PRDM2: variants seen among roughly 807,000 people sequenced by gnomAD.
PRDM2 encodes PR domain zinc finger protein 2.
A neutral mutation model predicts 130.0 loss-of-function variants in PRDM2; 30 were observed. The observed-to-expected ratio is 0.23, with a 90% CI of 0.17 to 0.31. PRDM2 has a LOEUF of 0.31. Among genes scored for constraint, PRDM2 ranks in the 10% least tolerant of loss-of-function variants. PRDM2 has a pLI of 1.00. For synonymous variants in PRDM2, 871 were observed against 782.4 expected (o/e 1.11, Z -1.89); for missense variants, 2,011 against 2,108.4 (o/e 0.95, Z 0.90).
In PRDM2 at chr1:13,785,269, T is replaced by C. The variant is rs544838385; in HGVS notation, c.5036+2438T>C. ...AAGGAATCATCACATCTATTACATG[T>C]CGAGGAATACTCACTTTCACTCTGT... On this transcript the variant is annotated intron_variant, in intron 8 of 9. Coordinates refer to ENST00000311066, the MANE Select transcript of PRDM2 (RefSeq NM_001393986.1). Among the ~76,000 whole-genome samples the C allele has an allele frequency of 1.0e-3, 154 of 152,296 alleles. 1 individual carries two copies. Among genetic ancestry groups the C allele is most frequent in the African/African-American group, 3.6e-3 (149 of 41,570 alleles).
intron 4 of PRDM2, among the ~76,000 whole-genome samples, chr1:13,741,055 G>A (rs547468056): frequency 3.0e-4 from 46 of 152,328 alleles, no homozygotes; most frequent in Non-Finnish European, 6.0e-4. Context: ...TGCCCAGCAC[G>A]TCTGTCAGCC....
chr1:13,760,297 G>A (rs1316136015), intron 6 of PRDM2, among the ~76,000 whole-genome samples: 1 of 151,994 alleles, frequency 6.6e-6, no homozygotes, highest in Admixed American at 6.5e-5. Context: ...TGATTCTTGT[G>A]CTTCCCCCTA....
chr1:13,756,572 C>G (rs1643959576), intron 6 of PRDM2, among the ~76,000 whole-genome samples: 2 of 152,186 alleles, frequency 1.3e-5, no homozygotes, highest in Admixed American at 6.5e-5. Context: ...CTTGAAAATG[C>G]TATTCTCTAA....
At chr1:13,734,379 T>G (rs1368596232) in intron 4 of PRDM2, among the ~76,000 whole-genome samples, 1 of 152,210 alleles carries the variant, frequency 6.6e-6, no homozygotes, top group Non-Finnish European at 1.5e-5. Context: ...GTGAGAATAA[T>G]GTCAAGGAAC....
In PRDM2 at chr1:13,781,974, C is replaced by G. The variant is rs577250035; in HGVS notation, c.4179C>G (p.Ala1393=). ...VVVLDNSGKN[A]FRRMGQPKRL... is the part of the protein sequence containing the mutation. Reference sequence around the variant, plus strand: ...TTTTAGATAACTCTGGGAAAAATGCCTTCCGACGAATGGGACAGCCCAAAA... The same window carrying G: ...TTTTAGATAACTCTGGGAAAAATGCGTTCCGACGAATGGGACAGCCCAAAA... Residue 1393 remains alanine, a synonymous_variant, in exon 8 of 10, where the codon GCC becomes GCG. Coordinates refer to ENST00000311066, the MANE Select transcript of PRDM2 (RefSeq NM_001393986.1). This position sits in a 1 kb window ranked among gnomAD's most constrained non-coding sequence, Gnocchi z 6.1. 8 of 1,614,196 alleles carry G rather than the reference C, an allele frequency of 5.0e-6. No individual in the cohort carries two copies. The South Asian group carries it at 5.5e-5, about 11-fold the overall frequency.
intron 9 of PRDM2, among the ~76,000 whole-genome samples, chr1:13,820,284 C>T (rs533326558): frequency 2.6e-5 from 4 of 152,210 alleles, no homozygotes; most frequent in Non-Finnish European, 5.9e-5. Flanking sequence ...CTTCGTCACC[C>T]GTCTCCCGGA....
intron 8 of PRDM2, among the ~76,000 whole-genome samples, chr1:13,794,326 C>G (rs1644888217): frequency 6.6e-6 from 1 of 152,196 alleles, no homozygotes; most frequent in Non-Finnish European, 1.5e-5. Flanking sequence ...CTTAAGCCTT[C>G]TGTACATTCT....
intron 6 of PRDM2, among the ~76,000 whole-genome samples, chr1:13,770,162 T>C (rs917567396): frequency 2.0e-5 from 3 of 152,024 alleles, no homozygotes; most frequent in Non-Finnish European, 2.9e-5. Context: ...TCACAGTGGA[T>C]TGGGTTTCCA....
Position 13,742,508 on chromosome 1 carries a change from A to C in PRDM2, c.384+351A>C, listed in dbSNP as rs566934168. ...CAAGCCACAATGCCTGGGCCTGCTT[A>C]TATTTTTCTAATGCTGTCCTTAGTT... On this transcript the variant is annotated intron_variant, in intron 5 of 9. Coordinates refer to ENST00000311066, the MANE Select transcript of PRDM2 (RefSeq NM_001393986.1). Among the ~76,000 whole-genome samples the C allele has an allele frequency of 4.7e-4, 71 of 152,290 alleles. 1 individual carries two copies. The highest frequency in any genetic ancestry group is 1.5e-3 in the African/African-American group (62 of 41,558).
At chr1:13,783,003 G>T (rs1644653899) in intron 8 of PRDM2, 172 bp downstream of exon 8, 1 of 1,410,646 alleles carries the variant, frequency 7.1e-7, no homozygotes, top group Non-Finnish European at 9.5e-7. Flanking sequence ...TTTTAGAGAT[G>T]AATAAATAGT....
intron 2 of PRDM2, among the ~76,000 whole-genome samples, chr1:13,727,292 TCAGC>T (rs1248009961): frequency 2.6e-5 from 4 of 152,150 alleles, no homozygotes; most frequent in African/African-American, 9.7e-5. Flanking sequence ...AGACGGTCTG[TCAGC>T]CAGGCTGGAG....
At position 13,791,399 on chromosome 1, in the gene PRDM2, C is replaced by T. The variant is rs147308362; in HGVS notation, c.5036+8568C>T. Among the ~76,000 whole-genome samples, 9 of 152,242 alleles carry T rather than the reference C, an allele frequency of 5.9e-5. No homozygotes were observed. In the East Asian group the frequency reaches 7.7e-4, roughly 13 times the overall value. On this transcript the variant is annotated intron_variant, in intron 8 of 9. Coordinates refer to ENST00000311066, the MANE Select transcript of PRDM2 (RefSeq NM_001393986.1). The stretch of plus-strand genomic sequence containing the variant: ...GAGCCATGTGGTTCATCAACGGCAA[C>T]GTGACTGTTTAACAGAAGCCAAGCT...
chr1:13,769,105 C>G, intron 6 of PRDM2: 2 of 982,754 alleles, frequency 2.0e-6, no homozygotes, highest in Non-Finnish European at 2.4e-6. Context: ...TTTCATTCCT[C>G]TTTCTTGTCT....
chr1:13,788,163 G>A (rs1489187453), intron 8 of PRDM2: 10 of 899,748 alleles, frequency 1.1e-5, no homozygotes, highest in Non-Finnish European at 1.3e-5. Flanking sequence ...TTCAGAGCCC[G>A]CACTCTAATT....
At chr1:13,705,592 C>T (rs550994944) in intron 1 of PRDM2, 2 of 152,406 alleles carry the variant, frequency 1.3e-5, no homozygotes, top group South Asian at 4.2e-4. Context: ...GAATCTCCAT[C>T]TCCATGTTGA....
intron 5 of PRDM2, 115 bp downstream of exon 5, chr1:13,742,272 C>T: frequency 1.7e-6 from 2 of 1,187,838 alleles, no homozygotes; most frequent in Non-Finnish European, 2.4e-6. Flanking sequence ...TCCATCACGG[C>T]TCACTGCAGC....
At chr1:13,776,801 G>T (rs1644484579) in intron 7 of PRDM2, among the ~76,000 whole-genome samples, 2 of 152,046 alleles carry the variant, frequency 1.3e-5, no homozygotes, top group Admixed American at 6.6e-5. Context: ...ATACCTCACT[G>T]GCCTTTCCCC....
intron 5 of PRDM2, among the ~76,000 whole-genome samples, chr1:13,745,775 G>C (rs1643585129): frequency 6.6e-6 from 1 of 152,186 alleles, no homozygotes; most frequent in African/African-American, 2.4e-5. Context: ...TGTGGCTGTA[G>C]GGAGGAGGAG....
chr1:13,757,845 C>T (rs963172354), intron 6 of PRDM2, among the ~76,000 whole-genome samples: 2 of 146,154 alleles, frequency 1.4e-5, no homozygotes, highest in South Asian at 2.2e-4. Context: ...TGAAGCAGTA[C>T]CTTCCTAAGA....
Sources: allele counts gnomAD v4.1 joint callset (sites outside exome capture counted in the v4.1 genomes callset), GRCh38; gene constraint gnomAD v4.1.1; non-coding constraint Gnocchi (gnomAD v3.1); transcripts MANE v1.5; gene names NCBI Gene and HGNC (gene_info 2026-07-23, HGNC 2026-07-21).